The following PTPRM variants were observed in gnomAD, a reference collection of about 807,000 sequenced individuals.
PTPRM encodes receptor-type tyrosine-protein phosphatase mu.
PTPRM carries 47 observed loss-of-function variants against 186.7 expected under a neutral mutation model. The ratio of observed to expected loss-of-function variants is 0.25; its 90% CI spans 0.20 to 0.32. The LOEUF (loss-of-function observed/expected upper bound fraction) is 0.32. Among genes scored for constraint, PTPRM ranks in the 10% least tolerant of loss-of-function variants. The pLI is 1.00. For synonymous variants in PTPRM, 668 were observed against 674.9 expected, an observed-to-expected ratio of 0.99 and a Z score of 0.16; for missense variants, 1,494 against 1,865.0, an observed-to-expected ratio of 0.80 and a Z score of 3.66.
intron 11 of PTPRM, among the ~76,000 whole-genome samples, chr18:8,091,290 G>A (rs953496980): frequency 6.6e-6 from 1 of 152,134 alleles, no homozygotes; most frequent in African/African-American, 2.4e-5. Flanking sequence ...CTTTTAGGAA[G>A]GGTCATGTCA....
chr18:7,995,322 T>C (rs2083476925), intron 7 of PTPRM, among the ~76,000 whole-genome samples: 1 of 152,142 alleles, frequency 6.6e-6, no homozygotes, highest in Non-Finnish European at 1.5e-5. Context: ...ATCAGATGGC[T>C]TTACCACTGA....
intron 12 of PTPRM, among the ~76,000 whole-genome samples, 178 bp from the exon 13 acceptor site, chr18:8,114,613 A>T (rs2145725042): frequency 6.6e-6 from 1 of 152,306 alleles, no homozygotes. Context: ...ACTGCCTGCC[A>T]CTGGAGCCAG....
In PTPRM at chr18:8,069,914, A is replaced by G. The variant is rs757425435; in HGVS notation, c.1361A>G (p.Asn454Ser). The change falls in exon 8 of 33, where the codon AAT becomes AGT. Residue 454 changes from asparagine to serine, a missense_variant. Physicochemically the swap from Asn to Ser is conservative, Grantham distance 46 (BLOSUM62 1). Around this residue, in one of 3 missense-constraint regions of PTPRM, gnomAD observed 1,107 missense variants for 1,350.2 expected, o/e 0.82. Coordinates refer to ENST00000580170, the MANE Select transcript of PTPRM (RefSeq NM_001105244.2). ...ATCACTAACCTGTCACCATACACCA[A>G]TGTCAGTGTGAAACTGATCCTCATG... ...HTITNLSPYT[N>S]VSVKLILMNP... is the part of the protein sequence containing the mutation. The G allele has an allele frequency of 5.0e-6, 8 of 1,613,976 alleles. No homozygotes were observed. The highest frequency in any genetic ancestry group is 3.3e-5 in the South Asian group (3 of 91,066).
intron 4 of PTPRM, among the ~76,000 whole-genome samples, chr18:7,920,543 C>T (rs980504333): frequency 2.0e-5 from 3 of 152,126 alleles, no homozygotes; most frequent in African/African-American, 4.8e-5. Flanking sequence ...TGTTTTTATA[C>T]GGCCTATCTC....
chr18:7,887,112 C>A (rs1025730567), intron 2 of PTPRM, among the ~76,000 whole-genome samples: 18 of 152,012 alleles, frequency 1.2e-4, no homozygotes, highest in African/African-American at 2.9e-4. Flanking sequence ...TTTTTATACT[C>A]CAAGTTCAGG....
intron 3 of PTPRM, among the ~76,000 whole-genome samples, chr18:7,902,683 G>A (rs1328744171): frequency 1.9e-4 from 29 of 152,054 alleles, no homozygotes; most frequent in Admixed American, 1.8e-3. Context: ...ATCTTCCAAA[G>A]CATGCGGTAG....
chr18:8,292,945 A>C (rs1191861277), intron 19 of PTPRM, among the ~76,000 whole-genome samples: 1 of 152,226 alleles, frequency 6.6e-6, no homozygotes, highest in Admixed American at 6.5e-5. Context: ...GAGAAAAAGC[A>C]GTGGATAAAG....
intron 7 of PTPRM, among the ~76,000 whole-genome samples, chr18:7,984,810 T>A (rs1475947026): frequency 2.2e-5 from 3 of 135,504 alleles, no homozygotes; most frequent in Non-Finnish European, 3.1e-5. Flanking sequence ...TATATACATA[T>A]AAAATTATAT....
intron 1 of PTPRM, among the ~76,000 whole-genome samples, chr18:7,639,158 TC>T (rs2038385694): frequency 6.6e-6 from 1 of 152,152 alleles, no homozygotes; most frequent in Non-Finnish European, 1.5e-5. Flanking sequence ...CACTGCAAGC[TC>T]CACCTCCAGG....
chr18:8,388,964 G>A lies in PTPRM; in HGVS notation c.4208+1729G>A, dbSNP rs79387709. ...GGACAGAGCGAGACTCCATCTCAAA[G>A]AAAAGAAAAAAAAAATCTCTATCAA... On this transcript the variant is annotated intron_variant, in intron 31 of 32. Coordinates refer to ENST00000580170, the MANE Select transcript of PTPRM (RefSeq NM_001105244.2). Among the ~76,000 whole-genome samples the A allele has an allele frequency of 6.7e-3, 1,002 of 149,482 alleles. 10 individuals are homozygous for A. The highest frequency in any genetic ancestry group is 0.024 in the African/African-American group (950 of 40,248).
At chr18:7,832,200 A>G (rs1479052498) in intron 2 of PTPRM, among the ~76,000 whole-genome samples, 1 of 152,188 alleles carries the variant, frequency 6.6e-6, no homozygotes, top group Non-Finnish European at 1.5e-5. Flanking sequence ...AGGAACCTTC[A>G]AACTGTTCTC....
intron 14 of PTPRM, among the ~76,000 whole-genome samples, chr18:8,165,514 A>G (rs879542842): frequency 6.6e-6 from 1 of 152,206 alleles, no homozygotes; most frequent in Non-Finnish European, 1.5e-5. Context: ...TGAGAAAACC[A>G]AACTGCCTTG....
intron 3 of PTPRM, among the ~76,000 whole-genome samples, chr18:7,905,778 G>A (rs1308199698): frequency 1.3e-5 from 2 of 152,134 alleles, no homozygotes; most frequent in Non-Finnish European, 2.9e-5. Context: ...TATTCTTATA[G>A]TACACTGCAC....
At chr18:8,382,241 A>C (rs957308460) in intron 29 of PTPRM, among the ~76,000 whole-genome samples, 3 of 152,216 alleles carry the variant, frequency 2.0e-5, no homozygotes, top group Admixed American at 6.5e-5. Flanking sequence ...TACATGGTTT[A>C]CTTGGGCAGA....
intron 7 of PTPRM, among the ~76,000 whole-genome samples, chr18:8,031,927 A>G (rs555921574): frequency 2.0e-4 from 30 of 152,242 alleles, no homozygotes; most frequent in Non-Finnish European, 3.2e-4. Context: ...AACACTTGCC[A>G]AATACAGTGA....
intron 22 of PTPRM, 105 bp downstream of exon 22, chr18:8,319,319 C>T (rs996632322): frequency 2.5e-5 from 19 of 765,180 alleles, no homozygotes; most frequent in South Asian, 7.1e-5. Context: ...ACATTTATTG[C>T]GGTTCTAGCC....
At chr18:7,611,898 T>A (rs1383369561) in intron 1 of PTPRM, among the ~76,000 whole-genome samples, 2 of 152,300 alleles carry the variant, frequency 1.3e-5, no homozygotes, top group East Asian at 3.9e-4. Context: ...AATTGCCCAG[T>A]CTTGGGTATG....
At chr18:8,387,011 G>A in intron 30 of PTPRM, 61 bp from the exon 31 acceptor site, 1 of 1,481,180 alleles carries the variant, frequency 6.8e-7, no homozygotes, top group Non-Finnish European at 9.3e-7. Context: ...CAGCCCACTG[G>A]AATTCAGTAA....
chr18:7,577,041 C>T (rs2036705745), intron 1 of PTPRM, among the ~76,000 whole-genome samples: 1 of 151,660 alleles, frequency 6.6e-6, no homozygotes, highest in Non-Finnish European at 1.5e-5. Flanking sequence ...AAGAAGCTCC[C>T]TTGGAGAAGA....
Sources: gnomAD v4.1 joint callset for allele counts (sites outside exome capture counted in the v4.1 genomes callset) on GRCh38, gnomAD v4.1.1 for gene constraint, gnomAD v4.1.1 regional missense constraint, MANE v1.5 for transcripts, NCBI Gene and HGNC (gene_info 2026-07-23, HGNC 2026-07-21) for gene names.